Variants in BATF3 observed in about 807,000 individuals in gnomAD.
The protein encoded by BATF3 is basic leucine zipper transcriptional factor ATF-like 3.
BATF3 carries 8 observed loss-of-function variants against 16.1 expected under a neutral mutation model. The observed-to-expected ratio is 0.50, with a 90% CI of 0.29 to 0.90. The LOEUF (loss-of-function observed/expected upper bound fraction) is 0.90, where lower values mean the gene tolerates loss of function less well. BATF3 is among the 40% of genes least tolerant of loss of function. BATF3 has a pLI of 0.08. For missense variants in BATF3, 139 were observed against 167.0 expected, an observed-to-expected ratio of 0.83 and a Z score of 0.92; for synonymous variants, 74 against 72.7, an observed-to-expected ratio of 1.02 and a Z score of -0.09.
chr1:212,697,021 GT>G lies in BATF3; in HGVS notation c.134del (p.Asn45ThrfsTer40). On this transcript the variant is annotated frameshift_variant, in exon 2 of 3. Coordinates refer to ENST00000243440, the MANE Select transcript of BATF3 (RefSeq NM_018664.3). LOFTEE classifies it high-confidence loss of function. ...DDRKVRRREKNRVAAQRSRKK... is the reference protein window; with the variant it reads ...DDRKVRRREKXRVAAQRSRKK... Reference sequence around the variant, plus strand: ...TCCGACTTCTCTGAGCAGCAACTCGGTTTTTTTCTCTCCTTCGGACCTTCCT... The same window carrying G: ...TCCGACTTCTCTGAGCAGCAACTCGGTTTTTTCTCTCCTTCGGACCTTCCT... 1 of 1,614,134 alleles carries G rather than the reference GT, an allele frequency of 6.2e-7. No individual in the cohort carries two copies. Among genetic ancestry groups the G allele is most frequent in the Non-Finnish European group, 8.5e-7 (1 of 1,180,026 alleles).
intron 2 of BATF3, among the ~76,000 whole-genome samples, chr1:212,692,403 C>A (rs972136431): frequency 6.6e-6 from 1 of 151,896 alleles, no homozygotes; most frequent in African/African-American, 2.4e-5. Context: ...CAAAAAAAAC[C>A]CAAAAAAACC....
At chr1:212,693,637 G>C (rs141262922) in intron 2 of BATF3, among the ~76,000 whole-genome samples, 181 of 152,270 alleles carry the variant, frequency 1.2e-3, no homozygotes, top group Middle Eastern at 3.4e-3. Flanking sequence ...CTGGGTTGGA[G>C]AGCAGGCCAG....
intron 2 of BATF3, among the ~76,000 whole-genome samples, chr1:212,696,627 C>T (rs1657139391): frequency 2.0e-5 from 3 of 151,808 alleles, no homozygotes; most frequent in Admixed American, 6.6e-5. Context: ...AAGATGTTAG[C>T]GGATTACTTT....
chr1:212,699,262 C>G lies in BATF3; in HGVS notation c.90+411G>C, dbSNP rs866371353. On this transcript the variant is annotated intron_variant, in intron 1 of 2. Transcript: ENST00000243440. This position sits in a 1 kb window ranked among gnomAD's most constrained non-coding sequence, Gnocchi z 4.4. ...TCTCCATTCCCGCGGCAGCACCCCC[C>G]CCACCCGGGGGAATCCTGGAGGGGC... Among the ~76,000 whole-genome samples, 68 of 152,286 alleles carry G rather than the reference C, an allele frequency of 4.5e-4. 1 individual carries two copies. The Middle Eastern group carries it at 0.017, about 38-fold the overall frequency.
chr1:212,691,675 A>AAGTCATT (rs1181361489), intron 2 of BATF3, among the ~76,000 whole-genome samples: 1 of 152,228 alleles, frequency 6.6e-6, no homozygotes, highest in Admixed American at 6.5e-5. Context: ...CACATTGCCC[A>AAGTCATT]AGTCATTTGT....
In BATF3 at chr1:212,696,872, C is replaced by A. The variant is rs563478061; in HGVS notation, c.195+89G>T. 8.5e-6 allele frequency: 8 copies of A among 936,452 alleles called. No individual in the cohort carries two copies. The South Asian group carries it at 1.1e-4, about 13-fold the overall frequency. 58.0% of individuals were successfully genotyped at this position (936,452 alleles called of 1,614,324 possible). On this transcript the variant is annotated intron_variant, in intron 2 of 2. Coordinates refer to ENST00000243440, the MANE Select transcript of BATF3 (RefSeq NM_018664.3). ...AATTAGATATGAGTGTTGCTGAAAT[C>A]GTGATAAAGAGAACAGTCATCACCC... is the stretch of plus-strand genomic sequence containing the variant.
At chr1:212,692,301 G>C (rs1313510729) in intron 2 of BATF3, among the ~76,000 whole-genome samples, 1 of 152,150 alleles carries the variant, frequency 6.6e-6, no homozygotes, top group Non-Finnish European at 1.5e-5. Flanking sequence ...AAATTGGAAT[G>C]ATACAGGGAT....
chr1:212,691,889 G>A (rs187493002), intron 2 of BATF3, among the ~76,000 whole-genome samples: 24 of 152,360 alleles, frequency 1.6e-4, no homozygotes, highest in Admixed American at 6.5e-5. Context: ...TTTGGCACAC[G>A]CCTAGTGTTC....
intron 2 of BATF3, among the ~76,000 whole-genome samples, chr1:212,692,227 C>T (rs1428946508): frequency 6.6e-6 from 1 of 152,164 alleles, no homozygotes; most frequent in African/African-American, 2.4e-5. Context: ...GCAGCTGGGG[C>T]AAGTTTCTCA....
At chr1:212,687,659 C>T (rs1656881630) in intron 2 of BATF3, 1 of 152,226 alleles carries the variant, frequency 6.6e-6, no homozygotes, top group Admixed American at 6.5e-5. Flanking sequence ...GGCATGGTGA[C>T]TCATGCCTGT....
rs1280871530 is a variant in BATF3 at position 212,686,438 on chromosome 1, G to A, written c.*353C>T. ...CCTCTCCAGGAAAAGGAAGTGTATT[G>A]TGCCTGTAAATTCCCAGAACTGGAG... On this transcript the variant is annotated 3_prime_UTR_variant, in exon 3 of 3. Transcript: ENST00000243440. 4.3e-6 allele frequency: 1 copy of A among 231,990 alleles called. No individual in the cohort carries two copies. Among genetic ancestry groups the A allele is most frequent in the African/African-American group, 2.2e-5 (1 of 45,382 alleles). The allele number at this position is 231,990 out of a possible 1,614,324, so 14.4% of individuals were successfully genotyped here.
intron 2 of BATF3, among the ~76,000 whole-genome samples, chr1:212,691,347 T>C (rs976088472): frequency 3.0e-4 from 46 of 152,336 alleles, no homozygotes; most frequent in Admixed American, 3.0e-3. Context: ...CAAGGTCACA[T>C]AGACCTGGGA....
At chr1:212,688,099 A>T (rs1439008593) in intron 2 of BATF3, among the ~76,000 whole-genome samples, 2 of 152,044 alleles carry the variant, frequency 1.3e-5, no homozygotes, top group African/African-American at 2.4e-5. Context: ...CTTTGTACTG[A>T]TCCAAACACT....
At chr1:212,687,006 A>G in intron 2 of BATF3, 27 bp from the exon 3 acceptor site, 1 of 1,434,448 alleles carries the variant, frequency 7.0e-7, no homozygotes, top group Non-Finnish European at 9.8e-7. Context: ...GGGCAAAATC[A>G]TTTCTGGTGC....
intron 2 of BATF3, among the ~76,000 whole-genome samples, chr1:212,691,459 C>CTCTT (rs1656996962): frequency 6.6e-6 from 1 of 152,108 alleles, no homozygotes; most frequent in Non-Finnish European, 1.5e-5. Context: ...TGATGGTTAC[C>CTCTT]AGAAGTAAGA....
intron 2 of BATF3, among the ~76,000 whole-genome samples, chr1:212,694,056 G>A (rs769432113): frequency 7.9e-5 from 12 of 152,218 alleles, no homozygotes; most frequent in Non-Finnish European, 1.3e-4. Flanking sequence ...CGGGGAGTCA[G>A]AGAAGATGTG....
At chr1:212,693,510 T>G (rs1469416881) in intron 2 of BATF3, among the ~76,000 whole-genome samples, 1 of 152,098 alleles carries the variant, frequency 6.6e-6, no homozygotes, top group Non-Finnish European at 1.5e-5. Context: ...ACCCATTCCT[T>G]CAGCCCCACA....
Position 212,699,107 on chromosome 1 carries a change from C to G in BATF3, c.90+566G>C, listed in dbSNP as rs904266411. Among the ~76,000 whole-genome samples the G allele has an allele frequency of 2.6e-5, 4 of 152,254 alleles. No individual in the cohort carries two copies. ...GCCGTCCCTGTGGCCAACCTGGTCT[C>G]CTTCCTGACTGCGCCGCTGTAAACG... is the stretch of plus-strand genomic sequence containing the variant. On this transcript the variant is annotated intron_variant, in intron 1 of 2. Transcript: ENST00000243440. This position sits in a 1 kb window ranked among gnomAD's most constrained non-coding sequence, Gnocchi z 4.4.
chr1:212,695,270 G>T (rs1373914025), intron 2 of BATF3, among the ~76,000 whole-genome samples: 1 of 152,046 alleles, frequency 6.6e-6, no homozygotes, highest in Non-Finnish European at 1.5e-5. Context: ...CGAGGCGGGT[G>T]AATCACGAGG....
Sources: allele counts gnomAD v4.1 joint callset (sites outside exome capture counted in the v4.1 genomes callset), GRCh38; gene constraint gnomAD v4.1.1; non-coding constraint Gnocchi (gnomAD v3.1); transcripts MANE v1.5; gene names NCBI Gene and HGNC (gene_info 2026-07-23, HGNC 2026-07-21).